The following VPS13D variants were observed in gnomAD, a reference collection of about 807,000 sequenced individuals.
VPS13D encodes vacuolar protein sorting 13 homolog D, also known as intermembrane lipid transfer protein VPS13D.
VPS13D carries 187 observed loss-of-function variants against 461.9 expected under a neutral mutation model. The observed-to-expected ratio is 0.40, with a 90% CI of 0.36 to 0.46. VPS13D has a LOEUF of 0.46. Among genes scored for constraint, VPS13D ranks in the 20% least tolerant of loss-of-function variants. The pLI, the probability that VPS13D is intolerant of heterozygous loss-of-function variation, is 0.60. For synonymous variants in VPS13D, 1,951 were observed against 1,986.3 expected, an observed-to-expected ratio of 0.98 and a Z score of 0.47; for missense variants, 4,711 against 5,364.9, an observed-to-expected ratio of 0.88 and a Z score of 3.81.
rs116209263 is a variant in VPS13D at position 12,496,432 on chromosome 1, C to T, written c.12663-1068C>T. ...GTTTCTGTCCATATTTCCAACCTGA[C>T]TTGCCCACCAGGGCACTTTCTGCCC... On this transcript the variant is annotated intron_variant, in intron 67 of 69. Coordinates refer to ENST00000620676, the MANE Select transcript of VPS13D (RefSeq NM_015378.4). 9.3e-3 allele frequency among the ~76,000 whole-genome samples: 1,418 copies of T among 152,322 alleles called. 28 individuals are homozygous for T. Among genetic ancestry groups the T allele is most frequent in the African/African-American group, 0.033 (1,358 of 41,570 alleles).
chr1:12,346,621 G>T lies in VPS13D; in HGVS notation c.9038G>T (p.Ser3013Ile). The change falls in exon 44 of 70, where the codon AGC (serine) becomes ATC (isoleucine). Residue 3013 changes from serine (S) to isoleucine (I), a missense_variant. Coordinates refer to ENST00000620676, the MANE Select transcript of VPS13D (RefSeq NM_015378.4). The stretch of plus-strand genomic sequence containing the variant: ...CTTTTTCAGATTGGCAGCCCAAGCA[G>T]CAGAACAAATATTATACATCCCCAG... ...SSSSTIGSPSSRTNIIHPQVY... is the reference protein window; with the variant it reads ...SSSSTIGSPSIRTNIIHPQVY... 1 of 1,613,114 alleles carries T rather than the reference G, an allele frequency of 6.2e-7. No individual in the cohort carries two copies. Among genetic ancestry groups the T allele is most frequent in the South Asian group, 1.1e-5 (1 of 90,824 alleles).
rs1307167096 is a variant in VPS13D at position 12,323,687 on chromosome 1, T to C, written c.7916-19T>C. The stretch of plus-strand genomic sequence containing the variant: ...TACATAAAATTATTTATGAAAATTT[T>C]ATGCTATTTGTTTCCTAGAGTTACA... On this transcript the variant is annotated intron_variant, in intron 34 of 69. Transcript: ENST00000620676. 3 of 1,607,612 alleles carry C rather than the reference T, an allele frequency of 1.9e-6. No individual in the cohort carries two copies. The highest frequency in any genetic ancestry group is 2.6e-6 in the Non-Finnish European group (3 of 1,176,182).
intron 54 of VPS13D, among the ~76,000 whole-genome samples, chr1:12,370,440 T>G (rs1644100293): frequency 6.6e-6 from 1 of 152,226 alleles, no homozygotes; most frequent in Non-Finnish European, 1.5e-5. Flanking sequence ...GCGTTTAAAG[T>G]CACATTCCTT....
intron 65 of VPS13D, among the ~76,000 whole-genome samples, chr1:12,419,750 T>C (rs955671544): frequency 6.6e-6 from 1 of 152,138 alleles, no homozygotes; most frequent in African/African-American, 2.4e-5. Context: ...TAATTCAACA[T>C]GAGATTTGAG....
intron 65 of VPS13D, among the ~76,000 whole-genome samples, chr1:12,431,947 A>G (rs1261793686): frequency 6.6e-6 from 1 of 152,224 alleles, no homozygotes; most frequent in Non-Finnish European, 1.5e-5. Flanking sequence ...TGTAGTAGAG[A>G]TGAAACTTTA....
At chr1:12,382,310 C>G (rs1283291549) in intron 57 of VPS13D, among the ~76,000 whole-genome samples, 1 of 152,086 alleles carries the variant, frequency 6.6e-6, no homozygotes, top group Non-Finnish European at 1.5e-5. Flanking sequence ...CCATGTTGAC[C>G]AGGCTGGTCT....
chr1:12,288,639 T>C (rs1057379297), intron 22 of VPS13D, among the ~76,000 whole-genome samples: 7 of 151,522 alleles, frequency 4.6e-5, no homozygotes, highest in Non-Finnish European at 1.0e-4. Context: ...AGGGTGCCCA[T>C]ATAACTTTTT....
chr1:12,334,391 T>C lies in VPS13D; in HGVS notation c.8428+1025T>C, dbSNP rs974116794. On this transcript the variant is annotated intron_variant, in intron 38 of 69. Coordinates refer to ENST00000620676, the MANE Select transcript of VPS13D (RefSeq NM_015378.4). ...GAAGGTTAGAGAAAGTTTGTGGTAGTCTTTTGAAAAGCTGCAGTAAACAAG... is the reference window on the plus strand; with the variant it reads ...GAAGGTTAGAGAAAGTTTGTGGTAGCCTTTTGAAAAGCTGCAGTAAACAAG... 2.6e-5 allele frequency among the ~76,000 whole-genome samples: 4 copies of C among 152,260 alleles called. No homozygotes were observed. In the East Asian group the frequency reaches 7.7e-4, roughly 29 times the overall value.
At chr1:12,320,004 C>T (rs1463084399) in intron 32 of VPS13D, among the ~76,000 whole-genome samples, 17 of 152,222 alleles carry the variant, frequency 1.1e-4, no homozygotes, top group Admixed American at 1.1e-3. Flanking sequence ...GCATCCCTCT[C>T]CTCACCTGGA....
At chr1:12,260,856 G>T in intron 11 of VPS13D, 62 bp downstream of exon 11, 2 of 1,610,626 alleles carry the variant, frequency 1.2e-6, no homozygotes, top group Non-Finnish European at 1.7e-6. Flanking sequence ...CTACAGTTTT[G>T]ATGTGCTTGT....
At position 12,320,158 on chromosome 1, in the gene VPS13D, T is replaced by C. The variant is rs142922833; in HGVS notation, c.7548+528T>C. 7.2e-3 allele frequency among the ~76,000 whole-genome samples: 1,093 copies of C among 152,350 alleles called. 16 individuals are homozygous for C. The highest frequency in any genetic ancestry group is 0.025 in the African/African-American group (1,047 of 41,586). ...GTCCTGCCTGGCTGAAAGGAGCGCATGGATAATAGTGGTGCTTTAGGCTCT... is the reference window on the plus strand; with the variant it reads ...GTCCTGCCTGGCTGAAAGGAGCGCACGGATAATAGTGGTGCTTTAGGCTCT... On this transcript the variant is annotated intron_variant, in intron 32 of 69. Coordinates refer to ENST00000620676, the MANE Select transcript of VPS13D (RefSeq NM_015378.4).
rs548736168 is a variant in VPS13D at position 12,383,683 on chromosome 1, C to T, written c.11370+528C>T. Among the ~76,000 whole-genome samples the T allele has an allele frequency of 3.9e-5, 6 of 152,190 alleles. No homozygotes were observed. The South Asian group carries it at 1.0e-3, about 26-fold the overall frequency. ...AAAGGTACAGGTGGAGGGGCTGTGC[C>T]CTCAGTAATAAGCATGTTCATCAAC... is the stretch of plus-strand genomic sequence containing the variant. On this transcript the variant is annotated intron_variant, in intron 58 of 69. Transcript: ENST00000620676.
At chr1:12,286,418 C>G (rs948705008) in intron 21 of VPS13D, among the ~76,000 whole-genome samples, 1 of 152,192 alleles carries the variant, frequency 6.6e-6, no homozygotes, top group Non-Finnish European at 1.5e-5. Flanking sequence ...AGGTAAGGTT[C>G]CATGTTACAT....
At chr1:12,451,893 T>C (rs150648596) in intron 65 of VPS13D, among the ~76,000 whole-genome samples, 1 of 152,384 alleles carries the variant, frequency 6.6e-6, no homozygotes, top group African/African-American at 2.4e-5. Flanking sequence ...TATCAGGCTC[T>C]GTGCTATGTG....
chr1:12,435,748 A>G (rs1417239148), intron 65 of VPS13D, among the ~76,000 whole-genome samples: 1 of 151,676 alleles, frequency 6.6e-6, no homozygotes, highest in Non-Finnish European at 1.5e-5. Flanking sequence ...TCTCTGCGAT[A>G]TATTTGCAGG....
At chr1:12,343,078 A>C (rs1455830813) in intron 42 of VPS13D, 27 bp downstream of exon 42, 3 of 1,554,180 alleles carry the variant, frequency 1.9e-6, no homozygotes, top group Non-Finnish European at 2.6e-6. Flanking sequence ...TCTTTTCTTT[A>C]AAAAAAAGAA....
At chr1:12,310,428 C>T (rs978618190) in intron 27 of VPS13D, among the ~76,000 whole-genome samples, 7 of 152,176 alleles carry the variant, frequency 4.6e-5, no homozygotes, top group African/African-American at 1.7e-4. Flanking sequence ...ATTCACAATG[C>T]CCAGTTCACC....
At chr1:12,264,300 G>C (rs535110795) in intron 13 of VPS13D, among the ~76,000 whole-genome samples, 2 of 152,322 alleles carry the variant, frequency 1.3e-5, no homozygotes, top group Admixed American at 1.3e-4. Flanking sequence ...GTGAAAGGAA[G>C]AGTCACATGT....
intron 57 of VPS13D, among the ~76,000 whole-genome samples, chr1:12,379,871 C>T (rs1176712306): frequency 6.6e-6 from 1 of 151,896 alleles, no homozygotes; most frequent in Non-Finnish European, 1.5e-5. Flanking sequence ...CGGGTTCACG[C>T]CATTCTCCTT....
Sources: gnomAD v4.1 joint callset for allele counts (sites outside exome capture counted in the v4.1 genomes callset) on GRCh38, gnomAD v4.1.1 for gene constraint, MANE v1.5 for transcripts, NCBI Gene and HGNC (gene_info 2026-07-23, HGNC 2026-07-21) for gene names.